Variants in ARID2 observed in about 807,000 individuals in gnomAD.
ARID2 encodes the protein AT-rich interactive domain-containing protein 2.
Under a neutral mutation model 184.6 loss-of-function variants are expected in ARID2, and 32 were observed. That is an observed-to-expected ratio of 0.17 (90% confidence interval 0.13 to 0.23). The LOEUF (loss-of-function observed/expected upper bound fraction) is 0.23. ARID2 is among the 10% of genes least tolerant of loss of function. The pLI, the probability that ARID2 is intolerant of heterozygous loss-of-function variation, is 1.00. For synonymous variants in ARID2, 836 were observed against 772.6 expected, an observed-to-expected ratio of 1.08 and a Z score of -1.36; for missense variants, 1,696 against 2,197.6, an observed-to-expected ratio of 0.77 and a Z score of 4.56.
intron 16 of ARID2, among the ~76,000 whole-genome samples, chr12:45,877,818 C>CT (rs1195102697): frequency 6.6e-6 from 1 of 152,204 alleles, no homozygotes; most frequent in Non-Finnish European, 1.5e-5. Flanking sequence ...GATTTCTTCT[C>CT]TAACACTCTT....
intron 3 of ARID2, among the ~76,000 whole-genome samples, chr12:45,802,820 T>C (rs1035349174): frequency 9.2e-5 from 14 of 152,264 alleles, no homozygotes; most frequent in African/African-American, 3.4e-4. Flanking sequence ...CCTTGTTTAC[T>C]ACATTGAAAT....
intron 20 of ARID2, among the ~76,000 whole-genome samples, chr12:45,894,507 T>G (rs1944343063): frequency 6.6e-6 from 1 of 152,230 alleles, no homozygotes; most frequent in Admixed American, 6.5e-5. Flanking sequence ...TATGATATTT[T>G]TTTTGCAATG....
intron 3 of ARID2, among the ~76,000 whole-genome samples, chr12:45,733,225 A>G (rs1268318539): frequency 6.6e-6 from 1 of 152,230 alleles, no homozygotes; most frequent in Non-Finnish European, 1.5e-5. Flanking sequence ...AAAGAAATAC[A>G]AAAGAAATAT....
At chr12:45,779,147 A>G (rs1029425132) in intron 3 of ARID2, among the ~76,000 whole-genome samples, 3 of 151,970 alleles carry the variant, frequency 2.0e-5, no homozygotes, top group Non-Finnish European at 4.4e-5. Context: ...TTGTTCATAA[A>G]TGTATTTATA....
chr12:45,846,484 T>C (rs1243218727), intron 11 of ARID2, among the ~76,000 whole-genome samples: 1 of 152,110 alleles, frequency 6.6e-6, no homozygotes, highest in East Asian at 1.9e-4. Context: ...TCACTTTGAG[T>C]CTCAGTTTTC....
intron 16 of ARID2, among the ~76,000 whole-genome samples, chr12:45,890,656 A>G (rs937421204): frequency 2.6e-5 from 4 of 152,212 alleles, no homozygotes; most frequent in African/African-American, 9.7e-5. Context: ...TGGAAATTAA[A>G]TATATAACTT....
chr12:45,776,454 A>T (rs1158837799), intron 3 of ARID2: 1 of 152,218 alleles, frequency 6.6e-6, no homozygotes, highest in Non-Finnish European at 1.5e-5. Context: ...TTAAAGAAAG[A>T]CAGTTTGAGA....
At chr12:45,756,647 C>G (rs1472647837) in intron 3 of ARID2, among the ~76,000 whole-genome samples, 1 of 152,216 alleles carries the variant, frequency 6.6e-6, no homozygotes, top group Non-Finnish European at 1.5e-5. Context: ...CTGTAACATT[C>G]AAGGCATGGG....
chr12:45,757,994 A>G (rs1941600462), intron 3 of ARID2, among the ~76,000 whole-genome samples: 1 of 152,248 alleles, frequency 6.6e-6, no homozygotes, highest in Non-Finnish European at 1.5e-5. Context: ...CAAAGATCAC[A>G]AAAATGAATA....
At chr12:45,866,966 T>A (rs1943841304) in intron 16 of ARID2, among the ~76,000 whole-genome samples, 4 of 151,668 alleles carry the variant, frequency 2.6e-5, no homozygotes, top group Non-Finnish European at 5.9e-5. Context: ...TTGTTGTTGT[T>A]TGGAGATGGA....
chr12:45,896,703 C>G (rs900043460), intron 20 of ARID2, among the ~76,000 whole-genome samples: 2 of 152,142 alleles, frequency 1.3e-5, no homozygotes, highest in African/African-American at 2.4e-5. Flanking sequence ...AAGGCTAAAA[C>G]CACGATTATG....
At chr12:45,788,065 G>C (rs752122410) in intron 3 of ARID2, among the ~76,000 whole-genome samples, 9 of 152,080 alleles carry the variant, frequency 5.9e-5, no homozygotes, top group Non-Finnish European at 1.0e-4. Flanking sequence ...GTTAAACCTA[G>C]CTAACAAATG....
chr12:45,811,297 T>C (rs1942703603), intron 3 of ARID2, 121 bp from the exon 4 acceptor site: 3 of 1,076,552 alleles, frequency 2.8e-6, no homozygotes, highest in Admixed American at 5.8e-5. Context: ...AAGAGGTTTA[T>C]GGTATTTTTA....
chr12:45,732,799 C>G (rs1941028372), intron 3 of ARID2, among the ~76,000 whole-genome samples: 1 of 152,028 alleles, frequency 6.6e-6, no homozygotes, highest in Non-Finnish European at 1.5e-5. Context: ...CCAGAAAGTA[C>G]TATAGAATAT....
intron 12 of ARID2, among the ~76,000 whole-genome samples, 178 bp from the exon 13 acceptor site, chr12:45,848,658 C>T (rs187610290): frequency 9.2e-4 from 140 of 152,144 alleles, no homozygotes; most frequent in African/African-American, 3.1e-3. Flanking sequence ...GCATGTTAAT[C>T]TATTGATTTA....
In ARID2 at chr12:45,837,835, C is replaced by A. The variant is rs1943248742; in HGVS notation, c.1330+128C>A. 11 of 698,570 alleles carry A rather than the reference C, an allele frequency of 1.6e-5. No homozygotes were observed. The South Asian group carries it at 1.9e-4, about 12-fold the overall frequency. 43.3% of individuals were successfully genotyped at this position (698,570 alleles called of 1,614,324 possible). ...TTTGAAGAGTCATTACCTCCTCAGG[C>A]ATACTTGTTTCCATTATTCTTTATT... On this transcript the variant is annotated intron_variant, in intron 10 of 20. Coordinates refer to ENST00000334344, the MANE Select transcript of ARID2 (RefSeq NM_152641.4).
intron 16 of ARID2, among the ~76,000 whole-genome samples, chr12:45,862,276 A>G (rs890505890): frequency 1.9e-4 from 29 of 152,202 alleles, no homozygotes; most frequent in Admixed American, 6.5e-5. Context: ...ATATATGTGT[A>G]TTTGATCATA....
intron 16 of ARID2, among the ~76,000 whole-genome samples, chr12:45,862,482 G>GT (rs925848545): frequency 3.3e-5 from 5 of 151,756 alleles, no homozygotes; most frequent in African/African-American, 1.2e-4. Context: ...TGAGATTTTT[G>GT]TTTTTTTCAT....
At chr12:45,829,823 A>G (rs1463172158) in intron 6 of ARID2, among the ~76,000 whole-genome samples, 1 of 121,084 alleles carries the variant, frequency 8.3e-6, no homozygotes. Flanking sequence ...TTTTTAATCA[A>G]TTTCTGACCT....
Sources: gnomAD v4.1 joint callset for allele counts (sites outside exome capture counted in the v4.1 genomes callset) on GRCh38, gnomAD v4.1.1 for gene constraint, MANE v1.5 for transcripts, NCBI Gene and HGNC (gene_info 2026-07-23, HGNC 2026-07-21) for gene names.